Variants in NUDT3 observed in about 807,000 individuals in gnomAD.
NUDT3 encodes the protein diphosphoinositol polyphosphate phosphohydrolase 1.
A neutral mutation model predicts 23.6 loss-of-function variants in NUDT3; 9 were observed. The observed-to-expected ratio is 0.38, with a 90% CI of 0.23 to 0.66. NUDT3 has a LOEUF of 0.66. NUDT3 is among the 30% of genes least tolerant of loss of function. The pLI is 0.52. For missense variants in NUDT3, 172 were observed against 218.5 expected, an observed-to-expected ratio of 0.79 and a Z score of 1.34; for synonymous variants, 86 against 82.6, an observed-to-expected ratio of 1.04 and a Z score of -0.22.
intron 2 of NUDT3, among the ~76,000 whole-genome samples, chr6:34,327,590 G>A (rs187183031): frequency 3.8e-4 from 58 of 151,738 alleles, no homozygotes; most frequent in African/African-American, 1.3e-3. Context: ...TTCTTTTACC[G>A]CTATCTTCTA....
At position 34,280,761 on chromosome 6, in the gene NUDT3, C is replaced by CA. The variant is rs1355711910; in HGVS notation, c.*7991dup. On this transcript the variant is annotated 3_prime_UTR_variant, in exon 5 of 5. Coordinates refer to ENST00000607016, the MANE Select transcript of NUDT3 (RefSeq NM_006703.4). ...TGGTCCTGATGGAAATGAACAGCAG[C>CA]AGAGTTCTGGTGGGATAGAGCAGTC... 1 of 152,174 alleles carries CA rather than the reference C, an allele frequency of 6.6e-6. No individual in the cohort carries two copies. Among genetic ancestry groups the CA allele is most frequent in the Non-Finnish European group, 1.5e-5 (1 of 68,056 alleles). The allele number at this position is 152,174 out of a possible 1,614,324, so 9.4% of individuals were successfully genotyped here. A position where few individuals can be genotyped will look rare whatever the true frequency, so the allele number is the denominator to read the frequency against.
At chr6:34,331,510 GA>G (rs1172773205) in intron 2 of NUDT3, among the ~76,000 whole-genome samples, 5 of 152,274 alleles carry the variant, frequency 3.3e-5, no homozygotes, top group African/African-American at 1.2e-4. Flanking sequence ...CCTGAAGATG[GA>G]CTGTTTCTAT....
chr6:34,348,436 C>A (rs1318084199), intron 1 of NUDT3, among the ~76,000 whole-genome samples: 1 of 152,008 alleles, frequency 6.6e-6, no homozygotes, highest in Non-Finnish European at 1.5e-5. Context: ...GAGCTATGAT[C>A]CCACTACTGC....
At chr6:34,337,976 T>A (rs1403569971) in intron 2 of NUDT3, among the ~76,000 whole-genome samples, 1 of 152,168 alleles carries the variant, frequency 6.6e-6, no homozygotes, top group Non-Finnish European at 1.5e-5. Context: ...TCAAAATTAT[T>A]CAGTTTAGGC....
chr6:34,313,185 A>AT (rs2113711211), intron 2 of NUDT3, among the ~76,000 whole-genome samples: 1 of 152,290 alleles, frequency 6.6e-6, no homozygotes, highest in South Asian at 2.1e-4. Context: ...TGAAAAAAAA[A>AT]CCAGAAAAAT....
rs1763305157 is a variant in NUDT3, at chr6:34,283,765, C to CT, written c.*4987dup. On this transcript the variant is annotated 3_prime_UTR_variant, in exon 5 of 5. Coordinates refer to ENST00000607016, the MANE Select transcript of NUDT3 (RefSeq NM_006703.4). ...CTGGGCTCCCAGGACCTGTGGTGACCTCAAGCTAACCTGATGCACAGACAA... is the reference window on the plus strand; with the variant it reads ...CTGGGCTCCCAGGACCTGTGGTGACCTTCAAGCTAACCTGATGCACAGACAA... 1 of 152,204 alleles carries CT rather than the reference C, an allele frequency of 6.6e-6. No individual in the cohort carries two copies. Among genetic ancestry groups the CT allele is most frequent in the Non-Finnish European group, 1.5e-5 (1 of 68,036 alleles). The allele number at this position is 152,204 out of a possible 1,614,324, so 9.4% of individuals were successfully genotyped here.
At chr6:34,355,272 A>G (rs1031600115) in intron 1 of NUDT3, among the ~76,000 whole-genome samples, 3 of 152,092 alleles carry the variant, frequency 2.0e-5, no homozygotes, top group Non-Finnish European at 2.9e-5. Flanking sequence ...TTCTGAATCT[A>G]TTGATACGAT....
chr6:34,360,403 G>A (rs1285079365), intron 1 of NUDT3, among the ~76,000 whole-genome samples: 1 of 151,718 alleles, frequency 6.6e-6, no homozygotes, highest in African/African-American at 2.4e-5. Context: ...GTGAAACCCT[G>A]TCTCTACTAA....
rs1763316032 is a variant in NUDT3, at chr6:34,284,822, T to C, written c.*3931A>G. On this transcript the variant is annotated 3_prime_UTR_variant, in exon 5 of 5. Coordinates refer to ENST00000607016, the MANE Select transcript of NUDT3 (RefSeq NM_006703.4). ...CTAAGCAAGCAAGCCTGAGAGGCAT[T>C]ACATGGGCTGGCTCCTAATATCAAA... The C allele has an allele frequency of 6.6e-6, 1 of 152,178 alleles. No individual in the cohort carries two copies. Among genetic ancestry groups the C allele is most frequent in the Non-Finnish European group, 1.5e-5 (1 of 68,028 alleles). The allele number at this position is 152,178 out of a possible 1,614,324, so 9.4% of individuals were successfully genotyped here. A position where few individuals can be genotyped will look rare whatever the true frequency, so the allele number is the denominator to read the frequency against.
intron 1 of NUDT3, among the ~76,000 whole-genome samples, chr6:34,351,246 G>A (rs1270095282): frequency 1.9e-5 from 2 of 104,080 alleles, no homozygotes; most frequent in Non-Finnish European, 4.3e-5. Context: ...AGGCCAAGAT[G>A]GGAAGATCTT....
chr6:34,361,621 A>T (rs879689503), intron 1 of NUDT3, among the ~76,000 whole-genome samples: 2 of 152,244 alleles, frequency 1.3e-5, no homozygotes, highest in Non-Finnish European at 2.9e-5. Flanking sequence ...CTTGGAAGCA[A>T]CCATGACGTC....
chr6:34,330,836 A>C (rs1442554247), intron 2 of NUDT3, among the ~76,000 whole-genome samples: 1 of 152,142 alleles, frequency 6.6e-6, no homozygotes, highest in Non-Finnish European at 1.5e-5. Flanking sequence ...GAAAATACAA[A>C]TGGAATCAAG....
intron 1 of NUDT3, among the ~76,000 whole-genome samples, chr6:34,344,779 G>A (rs1003687234): frequency 5.2e-4 from 79 of 151,608 alleles, no homozygotes; most frequent in African/African-American, 1.8e-3. Context: ...AGCCTCCCGA[G>A]TAGCTGGGAC....
At chr6:34,352,863 A>G (rs1034620738) in intron 1 of NUDT3, among the ~76,000 whole-genome samples, 36 of 152,192 alleles carry the variant, frequency 2.4e-4, no homozygotes, top group African/African-American at 8.7e-4. Flanking sequence ...TCTAGACTTC[A>G]GCTTTTTTAG....
At position 34,283,017 on chromosome 6, in the gene NUDT3, T is replaced by C. The variant is rs912509081; in HGVS notation, c.*5736A>G. ...TAAGCTCCCCTCCCCAGGTGGACAG[T>C]CTTATTTTCTAAGACAAGCTCAAAG... On this transcript the variant is annotated 3_prime_UTR_variant, in exon 5 of 5. Transcript: ENST00000607016. 1 of 152,048 alleles carries C rather than the reference T, an allele frequency of 6.6e-6. No individual in the cohort carries two copies. Among genetic ancestry groups the C allele is most frequent in the Non-Finnish European group, 1.5e-5 (1 of 68,000 alleles). The allele number at this position is 152,048 out of a possible 1,614,324, so 9.4% of individuals were successfully genotyped here.
At chr6:34,297,806 A>C in intron 2 of NUDT3, among the ~76,000 whole-genome samples, 1 of 133,810 alleles carries the variant, frequency 7.5e-6, no homozygotes, top group South Asian at 2.5e-4. Flanking sequence ...CATATTGGCC[A>C]GGCTGGTCTT....
chr6:34,297,760 A>ATGTATTTTT (rs1763535832), intron 2 of NUDT3, among the ~76,000 whole-genome samples: 2 of 53,654 alleles, frequency 3.7e-5, no homozygotes, highest in Admixed American at 2.6e-4. Context: ...TATATATATA[A>ATGTATTTTT]TTTTTTTTTT....
intron 2 of NUDT3, among the ~76,000 whole-genome samples, chr6:34,341,048 C>G (rs1032469439): frequency 6.6e-6 from 1 of 152,088 alleles, no homozygotes. Flanking sequence ...CCCTCTGGAA[C>G]AAGGAAATGG....
At chr6:34,353,440 A>T (rs77339991) in intron 1 of NUDT3, among the ~76,000 whole-genome samples, 9 of 143,078 alleles carry the variant, frequency 6.3e-5, no homozygotes, top group Admixed American at 4.9e-4. Flanking sequence ...ACTCCCAAGT[A>T]TTTTTTTTTT....
Sources: allele counts gnomAD v4.1 joint callset (sites outside exome capture counted in the v4.1 genomes callset), GRCh38; gene constraint gnomAD v4.1.1; transcripts MANE v1.5; gene names NCBI Gene and HGNC (gene_info 2026-07-23, HGNC 2026-07-21).